Variants in DNAH5 observed in about 807,000 individuals in gnomAD.
The protein encoded by DNAH5 is axonemal beta dynein heavy chain 5.
In DNAH5, 372 loss-of-function variants were observed where a neutral mutation model predicts 518.2. The observed-to-expected ratio is 0.72, with a 90% CI of 0.66 to 0.78. The LOEUF is 0.78. DNAH5 is among the 30% of genes least tolerant of loss of function. The pLI is 0.00. For synonymous variants in DNAH5, 2,039 were observed against 2,025.9 expected (o/e 1.01, Z -0.17); for missense variants, 5,523 against 5,687.0 (o/e 0.97, Z 0.93).
chr5:13,820,246 AT>A (rs1762037569), intron 41 of DNAH5, 99 bp downstream of exon 41: 3 of 1,219,940 alleles, frequency 2.5e-6, no homozygotes, highest in Non-Finnish European at 3.5e-6. Flanking sequence ...TCCTATAAAA[AT>A]ATATTATTGT....
At position 13,793,710 on chromosome 5, in the gene DNAH5, G is replaced by A. The variant is rs775946081; in HGVS notation, c.8029C>T (p.Arg2677Ter). 21 of 1,613,722 alleles carry A rather than the reference G, an allele frequency of 1.3e-5. No homozygotes were observed. Among genetic ancestry groups the A allele is most frequent in the Non-Finnish European group, 1.5e-5 (18 of 1,179,958 alleles). The change falls in exon 49 of 79, where the codon CGA (arginine) becomes TGA (stop). Residue 2677 changes from arginine to a stop codon, truncating the protein, a stop_gained. Transcript: ENST00000265104. LOFTEE classifies it high-confidence loss of function. ...AATCCATTTTGTTCCATCAGCTGTC[G>A]CACTATCTCATTCGTAACCTACAAA... is the stretch of plus-strand genomic sequence containing the variant. ...WGDQVTNEIV[R>*]QLMEQNGFYN...
chr5:13,735,366 T>C (rs144442951), intron 67 of DNAH5, 45 bp from the exon 68 acceptor site: 28 of 1,567,946 alleles, frequency 1.8e-5, no homozygotes, highest in Non-Finnish European at 2.4e-5. Flanking sequence ...ACTGCCCTTT[T>C]CAATTGTCTG....
At chr5:13,997,431 C>T (rs1156882377) in intron 1 of DNAH5, among the ~76,000 whole-genome samples, 1 of 152,170 alleles carries the variant, frequency 6.6e-6, no homozygotes, top group Non-Finnish European at 1.5e-5. Flanking sequence ...ACATATTCCT[C>T]ATTTCCATCT....
intron 38 of DNAH5, among the ~76,000 whole-genome samples, chr5:13,826,500 A>T (rs1561363900): frequency 6.6e-6 from 1 of 152,146 alleles, no homozygotes; most frequent in East Asian, 1.9e-4. Flanking sequence ...CATAATAGTA[A>T]GTGAGTTCTC....
chr5:13,926,771 AG>A lies in DNAH5; in HGVS notation c.277+1322del, dbSNP rs1443542419. On this transcript the variant is annotated intron_variant, in intron 3 of 78. Coordinates refer to ENST00000265104, the MANE Select transcript of DNAH5 (RefSeq NM_001369.3). The stretch of plus-strand genomic sequence containing the variant: ...CATCCTACGAACACTTCTTGGTCCA[AG>A]TAAAATTTACGCAGAAGGCCAGTTT... 3.9e-5 allele frequency among the ~76,000 whole-genome samples: 6 copies of A among 152,362 alleles called. No individual in the cohort carries two copies. The South Asian group carries it at 1.2e-3, about 32-fold the overall frequency.
At chr5:13,975,654 T>C (rs1782188664) in intron 1 of DNAH5, among the ~76,000 whole-genome samples, 1 of 152,230 alleles carries the variant, frequency 6.6e-6, no homozygotes, top group African/African-American at 2.4e-5. Context: ...ATTTCAGCCT[T>C]ATATAAAATT....
intron 47 of DNAH5, among the ~76,000 whole-genome samples, chr5:13,797,528 G>A (rs1362034961): frequency 1.3e-5 from 2 of 152,108 alleles, no homozygotes; most frequent in East Asian, 1.9e-4. Context: ...CAATCAGAAT[G>A]GCAATCATTA....
chr5:13,719,487 A>G (rs1433655047), intron 71 of DNAH5, among the ~76,000 whole-genome samples: 2 of 152,218 alleles, frequency 1.3e-5, no homozygotes, highest in Admixed American at 6.5e-5. Flanking sequence ...CTTAAGGACA[A>G]TGACAGAGAG....
rs1021587080 is a variant in DNAH5, at chr5:13,957,455, T to C, written c.13-26211A>G. Among the ~76,000 whole-genome samples, 3 of 152,210 alleles carry C rather than the reference T, an allele frequency of 2.0e-5. No homozygotes were observed. The South Asian group carries it at 6.2e-4, about 32-fold the overall frequency. On this transcript the variant is annotated intron_variant, in intron 1 of 78. Transcript: ENST00000681290. The stretch of plus-strand genomic sequence containing the variant: ...TAATGAAAGAGAAGCCAGTCTTCTC[T>C]TTTTCAATTCTAACCCACAAGAAAC...
chr5:13,919,051 T>C (rs1776961444), intron 7 of DNAH5, 125 bp downstream of exon 7: 2 of 1,216,630 alleles, frequency 1.6e-6, no homozygotes, highest in Non-Finnish European at 2.4e-6. Context: ...AAGTATTATG[T>C]AATTTTAAAT....
In DNAH5 at chr5:13,793,737, G is replaced by A. The variant is rs1757386416; in HGVS notation, c.8011-9C>T. On this transcript the variant is annotated splice_polypyrimidine_tract_variant and intron_variant, in intron 48 of 78. Coordinates refer to ENST00000265104, the MANE Select transcript of DNAH5 (RefSeq NM_001369.3). ...ACTATCTCATTCGTAACCTACAAAA[G>A]ACAACTTTCAGAATTAAAGCATCAT... is the stretch of plus-strand genomic sequence containing the variant. 1.2e-6 allele frequency: 2 copies of A among 1,612,876 alleles called. No individual in the cohort carries two copies. The highest frequency in any genetic ancestry group is 1.7e-6 in the Non-Finnish European group (2 of 1,179,376).
chr5:13,996,619 A>G (rs1783975285), intron 1 of DNAH5, among the ~76,000 whole-genome samples: 1 of 152,272 alleles, frequency 6.6e-6, no homozygotes, highest in African/African-American at 2.4e-5. Context: ...CCAAAGTTCA[A>G]CAGGGCAAAC....
At position 13,727,531 on chromosome 5, in the gene DNAH5, C is replaced by T. The variant is rs2126564103; in HGVS notation, c.12009G>A (p.Trp4003Ter). Residue 4003 changes from tryptophan to a stop codon, truncating the protein, a stop_gained, in exon 70 of 79, where the codon TGG becomes TGA. Coordinates refer to ENST00000265104, the MANE Select transcript of DNAH5 (RefSeq NM_001369.3). LOFTEE classifies it high-confidence loss of function. ...CFRRLLLIRS[W>*]CPDRTIAQAR... Reference sequence around the variant, plus strand: ...CCTGGGCGATGGTTCTGTCAGGACACCAGGATCTAATAAGGAGAAGACGTC... The same window carrying T: ...CCTGGGCGATGGTTCTGTCAGGACATCAGGATCTAATAAGGAGAAGACGTC... 3 of 1,613,462 alleles carry T rather than the reference C, an allele frequency of 1.9e-6. No homozygotes were observed. The highest frequency in any genetic ancestry group is 2.5e-6 in the Non-Finnish European group (3 of 1,179,610).
At chr5:13,938,586 T>C (rs1346357107) in intron 1 of DNAH5, among the ~76,000 whole-genome samples, 2 of 151,628 alleles carry the variant, frequency 1.3e-5, no homozygotes, top group African/African-American at 2.4e-5. Flanking sequence ...TATATACATA[T>C]ATATGAAAAA....
Position 13,882,396 on chromosome 5 carries a change from A to G in DNAH5, c.3262+332T>C, listed in dbSNP as rs1248070566. 2.0e-5 allele frequency among the ~76,000 whole-genome samples: 3 copies of G among 152,084 alleles called. No individual in the cohort carries two copies. The East Asian group carries it at 5.8e-4, about 29-fold the overall frequency. ...CTACAGGCCAATATCACTGGTGGAC[A>G]TAAATGCAAAAATTCTCAACAAAAT... On this transcript the variant is annotated intron_variant, in intron 21 of 78. Transcript: ENST00000265104.
At chr5:13,919,420 A>G in intron 6 of DNAH5, 68 bp from the exon 7 acceptor site, 1 of 1,566,780 alleles carries the variant, frequency 6.4e-7, no homozygotes, top group Non-Finnish European at 8.7e-7. Context: ...ATAAACAAGC[A>G]AAAAACAAAT....
chr5:13,947,331 C>T (rs1780007984), upstream of DNAH5, among the ~76,000 whole-genome samples: 1 of 152,168 alleles, frequency 6.6e-6, no homozygotes, highest in African/African-American at 2.4e-5. Context: ...CATCCCGTTC[C>T]ATATGGCTTA....
chr5:13,743,816 G>A (rs1748948576), intron 65 of DNAH5, among the ~76,000 whole-genome samples: 1 of 152,082 alleles, frequency 6.6e-6, no homozygotes. Flanking sequence ...AACAAATGCT[G>A]ATGAAGATGC....
At chr5:13,773,251 T>TTATA (rs1219951006) in intron 55 of DNAH5, among the ~76,000 whole-genome samples, 1 of 152,150 alleles carries the variant, frequency 6.6e-6, no homozygotes, top group East Asian at 1.9e-4. Flanking sequence ...TGCAGGTAAA[T>TTATA]TATGTAAAGC....
Sources: gnomAD v4.1 joint callset for allele counts (sites outside exome capture counted in the v4.1 genomes callset) on GRCh38, gnomAD v4.1.1 for gene constraint, MANE v1.5 for transcripts, NCBI Gene and HGNC (gene_info 2026-07-23, HGNC 2026-07-21) for gene names.